The following VAV2 variants were observed in gnomAD, a reference collection of about 807,000 sequenced individuals.
VAV2 encodes vav guanine nucleotide exchange factor 2.
A neutral mutation model predicts 132.5 loss-of-function variants in VAV2; 67 were observed. That is an observed-to-expected ratio of 0.51 (90% confidence interval 0.42 to 0.62). The LOEUF is 0.62. VAV2 is among the 20% of genes least tolerant of loss of function. The pLI is 0.00. For synonymous variants in VAV2, 492 were observed against 443.5 expected (o/e 1.11, Z -1.37); for missense variants, 938 against 1,153.6 (o/e 0.81, Z 2.71).
At chr9:133,940,186 G>A (rs749415143) in intron 1 of VAV2, among the ~76,000 whole-genome samples, 1 of 152,158 alleles carries the variant, frequency 6.6e-6, no homozygotes, top group South Asian at 2.1e-4. Flanking sequence ...CCTGCCTCAC[G>A]GGATTAATCA....
intron 5 of VAV2, among the ~76,000 whole-genome samples, chr9:133,811,135 C>T (rs937378325): frequency 4.0e-5 from 6 of 151,680 alleles, no homozygotes; most frequent in African/African-American, 1.2e-4. Flanking sequence ...CACCATCCCT[C>T]GGGGGAGACC....
chr9:133,911,686 C>T (rs937222322), intron 2 of VAV2, among the ~76,000 whole-genome samples: 3 of 152,188 alleles, frequency 2.0e-5, no homozygotes, highest in Non-Finnish European at 4.4e-5. Flanking sequence ...TTTCCTGCTC[C>T]CCCATCAACC....
rs116623373 is a variant in VAV2, at chr9:133,926,991, G to C, written c.321+12112C>G. On this transcript the variant is annotated intron_variant, in intron 2 of 29. Transcript: ENST00000371850. This position sits in a 1 kb window ranked among gnomAD's most constrained non-coding sequence, Gnocchi z 4.3. ...AAATCAATGCAATTCTGCAAACACC[G>C]GGCAGCCTGTCACAGACACCCGCAG... Among the ~76,000 whole-genome samples the C allele has an allele frequency of 1.3e-5, 2 of 152,096 alleles. No individual in the cohort carries two copies. Among genetic ancestry groups the C allele is most frequent in the Non-Finnish European group, 2.9e-5 (2 of 68,014 alleles).
At chr9:133,778,973 A>G in intron 21 of VAV2, 84 bp from the exon 22 acceptor site, 2 of 1,555,090 alleles carry the variant, frequency 1.3e-6, no homozygotes, top group East Asian at 2.3e-5. Flanking sequence ...CCACCCCATC[A>G]CCAAGCTCGG....
In VAV2 at chr9:133,791,858, C is replaced by T. The variant is rs766115923; in HGVS notation, c.1113G>A (p.Met371Ile). Residue 371 changes from methionine (M) to isoleucine (I), a missense_variant, in exon 13 of 30, where the codon ATG becomes ATA. By Grantham distance (10) the Met-to-Ile change is conservative. Transcript: ENST00000371850. ...TGTCCCGTTTAACTTCATTGATGTA[C>T]ATCGCCAAGTCCTTGAAAACAAGAG... is the stretch of plus-strand genomic sequence containing the variant. ...EALEAMQDLAMYINEVKRDKE... is the reference protein window; with the variant it reads ...EALEAMQDLAIYINEVKRDKE... The T allele has an allele frequency of 1.2e-6, 2 of 1,613,994 alleles. No homozygotes were observed. The highest frequency in any genetic ancestry group is 1.7e-6 in the Non-Finnish European group (2 of 1,180,008).
At chr9:133,957,961 A>C (rs1841841565) in intron 1 of VAV2, among the ~76,000 whole-genome samples, 1 of 148,818 alleles carries the variant, frequency 6.7e-6, no homozygotes, top group African/African-American at 2.4e-5. Context: ...AAATGGATTA[A>C]GGGCGGTGCA....
At chr9:133,858,813 G>A (rs931248901) in intron 3 of VAV2, among the ~76,000 whole-genome samples, 28 of 152,204 alleles carry the variant, frequency 1.8e-4, no homozygotes, top group Admixed American at 1.8e-3. Context: ...ATGCAGCCCT[G>A]GCTCGTCACA....
chr9:133,763,899 A>G lies in VAV2; in HGVS notation c.*163T>C. On this transcript the variant is annotated 3_prime_UTR_variant, in exon 30 of 30. Coordinates refer to ENST00000371850, the MANE Select transcript of VAV2 (RefSeq NM_001134398.2). The surrounding 1 kb of genome is among the most constrained non-coding windows in gnomAD (Gnocchi z 6.8). ...TCGCCGAGGGCAGGCTGACAGTGAAACGGTTCGAGTTTAGGATTCTCAACA... is the reference window on the plus strand; with the variant it reads ...TCGCCGAGGGCAGGCTGACAGTGAAGCGGTTCGAGTTTAGGATTCTCAACA... 2.4e-6 allele frequency: 2 copies of G among 821,676 alleles called. No homozygotes were observed. Among genetic ancestry groups the G allele is most frequent in the Non-Finnish European group, 3.9e-6 (2 of 514,284 alleles). The allele number at this position is 821,676 out of a possible 1,614,324, so 50.9% of individuals were successfully genotyped here. A position where few individuals can be genotyped will look rare whatever the true frequency, so the allele number is the denominator to read the frequency against.
intron 9 of VAV2, among the ~76,000 whole-genome samples, chr9:133,798,079 C>G (rs1315706860): frequency 2.0e-5 from 3 of 152,202 alleles, no homozygotes; most frequent in South Asian, 2.1e-4. Context: ...CAGGTCCCGG[C>G]TGGGATGCAG....
rs1189831237 is a variant in VAV2 at position 133,840,041 on chromosome 9, AC to A, written c.381-5702del. 1.3e-5 allele frequency among the ~76,000 whole-genome samples: 2 copies of A among 151,290 alleles called. No homozygotes were observed. The highest frequency in any genetic ancestry group is 4.9e-5 in the African/African-American group (2 of 41,156). On this transcript the variant is annotated intron_variant, in intron 3 of 29. Coordinates refer to ENST00000371850, the MANE Select transcript of VAV2 (RefSeq NM_001134398.2). This position sits in a 1 kb window ranked among gnomAD's most constrained non-coding sequence, Gnocchi z 4.5. Reference sequence around the variant, plus strand: ...CCAGCTGATTTTCCTTCCCGCACTTACCCCTAGCGTCCCCTACCCACACCTT... The same window carrying A: ...CCAGCTGATTTTCCTTCCCGCACTTACCCTAGCGTCCCCTACCCACACCTT...
At chr9:133,922,028 A>G (rs1840314456) in intron 2 of VAV2, among the ~76,000 whole-genome samples, 1 of 152,216 alleles carries the variant, frequency 6.6e-6, no homozygotes, top group South Asian at 2.1e-4. Flanking sequence ...GCTGGTGCAG[A>G]CGCCATGCAT....
At chr9:133,873,501 C>T (rs1056529864) in intron 2 of VAV2, among the ~76,000 whole-genome samples, 1 of 152,242 alleles carries the variant, frequency 6.6e-6, no homozygotes, top group South Asian at 2.1e-4. Context: ...TCCGGGCAGA[C>T]GCTGCCTGTG....
At position 133,908,663 on chromosome 9, in the gene VAV2, G is replaced by A. The variant is rs192092783; in HGVS notation, c.321+30440C>T. On this transcript the variant is annotated intron_variant, in intron 2 of 29. Transcript: ENST00000371850. ...AACGGCCCAGGAAGACTCAGGGAGT[G>A]GAAGGCAGCAGGCTGTAGTGGGTCT... Among the ~76,000 whole-genome samples, 68 of 152,368 alleles carry A rather than the reference G, an allele frequency of 4.5e-4. No individual in the cohort carries two copies. The East Asian group carries it at 0.013, about 29-fold the overall frequency.
chr9:133,897,631 G>A (rs575744524), intron 2 of VAV2, among the ~76,000 whole-genome samples: 1 of 151,962 alleles, frequency 6.6e-6, no homozygotes, highest in Admixed American at 6.5e-5. Context: ...CCCCCCTCTG[G>A]GTGGCCAAAA....
chr9:133,776,226 G>T, intron 23 of VAV2, 146 bp from the exon 24 acceptor site: 2 of 1,169,812 alleles, frequency 1.7e-6, no homozygotes, highest in East Asian at 2.9e-5. Flanking sequence ...AGCGCCCCTG[G>T]CCTGGGAGGT....
chr9:133,818,507 C>T (rs566982005), intron 4 of VAV2, among the ~76,000 whole-genome samples: 1 of 152,342 alleles, frequency 6.6e-6, no homozygotes, highest in South Asian at 2.1e-4. Flanking sequence ...GCCCATCCCA[C>T]ACCAGGACTC....
In VAV2 at chr9:133,840,247, C is replaced by A. The variant is rs968703299; in HGVS notation, c.381-5907G>T. Among the ~76,000 whole-genome samples, 2 of 152,222 alleles carry A rather than the reference C, an allele frequency of 1.3e-5. No homozygotes were observed. Among genetic ancestry groups the A allele is most frequent in the Non-Finnish European group, 2.9e-5 (2 of 68,032 alleles). On this transcript the variant is annotated intron_variant, in intron 3 of 29. Transcript: ENST00000371850. This position sits in a 1 kb window ranked among gnomAD's most constrained non-coding sequence, Gnocchi z 4.5. ...TTTCCTCGTGCCCGGCTTCGGGAAG[C>A]AGAGTTTCCCACTGCACCGCCGAGG...
At chr9:133,930,561 G>A (rs1256648334) in intron 2 of VAV2, among the ~76,000 whole-genome samples, 1 of 152,268 alleles carries the variant, frequency 6.6e-6, no homozygotes, top group African/African-American at 2.4e-5. Flanking sequence ...GCTAGTCAGA[G>A]GGAAGAGGGC....
intron 2 of VAV2, among the ~76,000 whole-genome samples, chr9:133,878,624 G>A (rs965383689): frequency 6.6e-6 from 1 of 152,228 alleles, no homozygotes; most frequent in African/African-American, 2.4e-5. Flanking sequence ...TCTGTCACAG[G>A]ACAGAGCTTA....
Sources: gnomAD v4.1 joint callset for allele counts (sites outside exome capture counted in the v4.1 genomes callset) on GRCh38, gnomAD v4.1.1 for gene constraint, Gnocchi (gnomAD v3.1) non-coding constraint, MANE v1.5 for transcripts, NCBI Gene and HGNC (gene_info 2026-07-23, HGNC 2026-07-21) for gene names.